Variants in PKHD1 observed in about 807,000 individuals in gnomAD.
The protein encoded by PKHD1 is fibrocystin.
A neutral mutation model predicts 412.0 loss-of-function variants in PKHD1; 291 were observed. That is an observed-to-expected ratio of 0.71 (90% CI 0.64 to 0.78). PKHD1 has a LOEUF of 0.78. Ranked by LOEUF, PKHD1 falls within the 30% of genes least tolerant of loss-of-function variation. The probability of loss-of-function intolerance (pLI) is 0.00; values close to 1 mark genes in which losing one functional copy is unlikely to be tolerated. For missense variants in PKHD1, 4,825 were observed against 4,950.7 expected (o/e 0.97, Z 0.76); for synonymous variants, 1,777 against 1,821.5 (o/e 0.98, Z 0.62).
At chr6:51,993,153 C>G (rs1410689478) in intron 35 of PKHD1, among the ~76,000 whole-genome samples, 1 of 152,202 alleles carries the variant, frequency 6.6e-6, no homozygotes, top group Non-Finnish European at 1.5e-5. Flanking sequence ...GAAGGCAGAG[C>G]TAAAGGTTAA....
intron 51 of PKHD1, among the ~76,000 whole-genome samples, chr6:51,832,930 A>G (rs1768522505): frequency 6.6e-6 from 1 of 152,174 alleles, no homozygotes; most frequent in African/African-American, 2.4e-5. Flanking sequence ...GAATAAGGCA[A>G]TGTCTTGGAA....
intron 60 of PKHD1, among the ~76,000 whole-genome samples, chr6:51,728,510 T>C (rs770769402): frequency 2.6e-5 from 4 of 152,230 alleles, no homozygotes; most frequent in African/African-American, 7.2e-5. Flanking sequence ...TTTGACTTCT[T>C]TTCATAAGCA....
chr6:51,950,443 G>A (rs1790195637), intron 36 of PKHD1, among the ~76,000 whole-genome samples: 1 of 151,942 alleles, frequency 6.6e-6, no homozygotes, highest in African/African-American at 2.4e-5. Context: ...GAGTAGTTGG[G>A]CCAGGCTAAT....
intron 50 of PKHD1, among the ~76,000 whole-genome samples, chr6:51,839,520 G>C (rs1769807662): frequency 6.6e-6 from 1 of 152,132 alleles, no homozygotes; most frequent in Admixed American, 6.5e-5. Flanking sequence ...TAAGAAAATG[G>C]CTCCTGGTAA....
At chr6:51,915,393 T>C (rs1413227363) in intron 37 of PKHD1, among the ~76,000 whole-genome samples, 1 of 152,148 alleles carries the variant, frequency 6.6e-6, no homozygotes, top group Non-Finnish European at 1.5e-5. Context: ...TTGGCCTCTA[T>C]TTCTGTACTT....
intron 50 of PKHD1, among the ~76,000 whole-genome samples, chr6:51,844,823 C>T (rs1263727517): frequency 3.3e-5 from 5 of 151,964 alleles, no homozygotes; most frequent in African/African-American, 9.7e-5. Flanking sequence ...GGAGCCACAC[C>T]CCCAAAAAAA....
chr6:51,985,112 A>T (rs1562060744), intron 35 of PKHD1, among the ~76,000 whole-genome samples: 1 of 152,216 alleles, frequency 6.6e-6, no homozygotes, highest in Non-Finnish European at 1.5e-5. Context: ...AAACTGGTAC[A>T]ACTATATTAT....
chr6:51,835,110 G>A (rs1051972750), intron 51 of PKHD1, among the ~76,000 whole-genome samples: 19 of 152,200 alleles, frequency 1.2e-4, no homozygotes, highest in Admixed American at 7.9e-4. Context: ...TGTAATGCAA[G>A]CATCTCCAGT....
chr6:51,920,520 T>C (rs899784966), intron 37 of PKHD1, among the ~76,000 whole-genome samples: 3 of 152,344 alleles, frequency 2.0e-5, no homozygotes, highest in South Asian at 2.1e-4. Context: ...CTGCTGGATT[T>C]GGTTTGCCAG....
chr6:51,859,538 A>AAAAAAAT (rs1360000842), intron 48 of PKHD1, among the ~76,000 whole-genome samples: 2 of 151,646 alleles, frequency 1.3e-5, no homozygotes, highest in Non-Finnish European at 2.9e-5. Context: ...AAAAAAAAAA[A>AAAAAAAT]AAAAATTACC....
intron 1 of PKHD1, among the ~76,000 whole-genome samples, chr6:52,085,428 C>T (rs1562311986): frequency 6.6e-6 from 1 of 152,134 alleles, no homozygotes; most frequent in Non-Finnish European, 1.5e-5. Context: ...ACGCCGTTCT[C>T]ACCGTCACTC....
In PKHD1 at chr6:52,017,459, C is replaced by T. The variant is rs867595938; in HGVS notation, c.5551G>A (p.Asp1851Asn). 1 of 1,613,910 alleles carries T rather than the reference C, an allele frequency of 6.2e-7. No individual in the cohort carries two copies. The highest frequency in any genetic ancestry group is 1.3e-5 in the African/African-American group (1 of 74,930). The change falls in exon 34 of 67, where the codon GAT (aspartate) becomes AAT (asparagine). Residue 1851 changes from aspartate to asparagine, a missense_variant. By Grantham distance (23) the Asp-to-Asn change is conservative (BLOSUM62 1). Transcript: ENST00000371117. ...GGAAACATTGACTCTGCCCAATGAT[C>T]TGGCACAAAGAGGCATTGGGAACTT... ...EESSQCLFVP[D>N]HWAESMFPSF...
intron 52 of PKHD1, among the ~76,000 whole-genome samples, chr6:51,821,990 A>G (rs896665940): frequency 6.6e-6 from 1 of 152,202 alleles, no homozygotes; most frequent in Non-Finnish European, 1.5e-5. Flanking sequence ...CCTGGCTGAC[A>G]GTAATTCCTT....
intron 52 of PKHD1, among the ~76,000 whole-genome samples, chr6:51,801,881 T>G (rs1458394556): frequency 1.3e-5 from 2 of 152,194 alleles, no homozygotes; most frequent in South Asian, 2.1e-4. Context: ...ATCAATAAAA[T>G]GTTTAACATA....
At chr6:51,891,172 C>G (rs1185432434) in intron 43 of PKHD1, among the ~76,000 whole-genome samples, 2 of 152,204 alleles carry the variant, frequency 1.3e-5, no homozygotes, top group Non-Finnish European at 2.9e-5. Flanking sequence ...ACTAAGTAAA[C>G]TCATTTCATC....
At chr6:51,784,917 G>A (rs1488878105) in intron 53 of PKHD1, among the ~76,000 whole-genome samples, 1 of 152,228 alleles carries the variant, frequency 6.6e-6, no homozygotes, top group East Asian at 1.9e-4. Context: ...CTAACATATG[G>A]TTGCCAGCAT....
chr6:51,704,308 A>C (rs1779771148), intron 60 of PKHD1, among the ~76,000 whole-genome samples: 1 of 152,198 alleles, frequency 6.6e-6, no homozygotes, highest in East Asian at 1.9e-4. Context: ...AGGAGACCAG[A>C]GTCTTGTGAT....
At position 51,748,447 on chromosome 6, in the gene PKHD1, C is replaced by A; in HGVS notation, c.9169G>T (p.Ala3057Ser). The A allele has an allele frequency of 1.2e-6, 2 of 1,613,990 alleles. No individual in the cohort carries two copies. The highest frequency in any genetic ancestry group is 1.7e-6 in the Non-Finnish European group (2 of 1,179,936). ...ACAAGGTTATTAGTGACAGTATAGG[C>A]CTGACCCTCTAAATCTATGCCATGG... The part of the protein sequence containing the change: ...AGHGIDLEGQ[A>S]YTVTNNLVVL... Residue 3057 changes from alanine (A) to serine (S), a missense_variant, in exon 58 of 67, where the codon GCC becomes TCC. By Grantham distance (99) the Ala-to-Ser change is moderately conservative. Transcript: ENST00000371117.
chr6:51,787,446 A>G (rs1364256207), intron 53 of PKHD1, among the ~76,000 whole-genome samples: 2 of 151,870 alleles, frequency 1.3e-5, no homozygotes, highest in Non-Finnish European at 2.9e-5. Context: ...TAGCAGGCAT[A>G]CTCTGGCAGC....
Sources: gnomAD v4.1 joint callset for allele counts (sites outside exome capture counted in the v4.1 genomes callset) on GRCh38, gnomAD v4.1.1 for gene constraint, MANE v1.5 for transcripts, NCBI Gene and HGNC (gene_info 2026-07-23, HGNC 2026-07-21) for gene names.